The following TMEM131L variants were observed in gnomAD, a reference collection of about 807,000 sequenced individuals.
The protein encoded by TMEM131L is transmembrane 131 like, also known as transmembrane protein 131-like.
Under a neutral mutation model 192.2 loss-of-function variants are expected in TMEM131L, and 54 were observed. The observed-to-expected ratio is 0.28, with a 90% CI of 0.23 to 0.35. The LOEUF (loss-of-function observed/expected upper bound fraction) is 0.35. Among genes scored for constraint, TMEM131L ranks in the 10% least tolerant of loss-of-function variants. The pLI is 1.00. For synonymous variants in TMEM131L, 701 were observed against 704.9 expected, an observed-to-expected ratio of 0.99 and a Z score of 0.09; for missense variants, 1,888 against 1,972.9, an observed-to-expected ratio of 0.96 and a Z score of 0.82.
At chr4:153,630,186 T>A (rs1734116912) in intron 31 of TMEM131L, among the ~76,000 whole-genome samples, 1 of 152,200 alleles carries the variant, frequency 6.6e-6, no homozygotes, top group South Asian at 2.1e-4. Flanking sequence ...TCTGGTAGAT[T>A]TTCACATGCG....
intron 28 of TMEM131L, 134 bp downstream of exon 28, chr4:153,621,983 G>C (rs895383283): frequency 2.3e-6 from 2 of 858,320 alleles, no homozygotes; most frequent in Admixed American, 2.8e-5. Context: ...TAAAGCCCCA[G>C]TGGAAAGCTT....
At chr4:153,488,817 G>A (rs980293372) in intron 3 of TMEM131L, among the ~76,000 whole-genome samples, 2 of 152,208 alleles carry the variant, frequency 1.3e-5, no homozygotes, top group African/African-American at 4.8e-5. Context: ...CCCTCGGGGA[G>A]TCCGCCCTCG....
intron 3 of TMEM131L, among the ~76,000 whole-genome samples, chr4:153,524,329 T>C (rs1261455127): frequency 6.6e-6 from 1 of 152,202 alleles, no homozygotes; most frequent in East Asian, 1.9e-4. Context: ...TGTGTGTCGG[T>C]TGAGGCCATA....
chr4:153,576,320 G>A (rs946208555), intron 7 of TMEM131L, among the ~76,000 whole-genome samples: 4 of 152,130 alleles, frequency 2.6e-5, no homozygotes, highest in East Asian at 3.8e-4. Flanking sequence ...AGAAAAATTA[G>A]CATACTTCTG....
At chr4:153,533,833 C>A (rs751074029) in intron 3 of TMEM131L, among the ~76,000 whole-genome samples, 2 of 152,070 alleles carry the variant, frequency 1.3e-5, no homozygotes, top group Non-Finnish European at 2.9e-5. Context: ...TTACAGCATT[C>A]GTAATTTAGC....
At chr4:153,549,265 C>G (rs186557543) in intron 3 of TMEM131L, among the ~76,000 whole-genome samples, 13 of 152,152 alleles carry the variant, frequency 8.5e-5, no homozygotes, top group Non-Finnish European at 1.5e-5. Flanking sequence ...CCATCTTCAG[C>G]CAAAAAGATT....
chr4:153,567,196 A>G lies in TMEM131L; in HGVS notation c.660+8828A>G, dbSNP rs372345008. Among the ~76,000 whole-genome samples the G allele has an allele frequency of 1.8e-3, 270 of 152,376 alleles. 13 individuals carry two copies. In the South Asian group the frequency reaches 0.053, roughly 30 times the overall value. ...GGCACATTTCTCCCTAACAAGTTACAAAATACCTGATCTAGGATTTGAAGA... is the reference window on the plus strand; with the variant it reads ...GGCACATTTCTCCCTAACAAGTTACGAAATACCTGATCTAGGATTTGAAGA... On this transcript the variant is annotated intron_variant, in intron 7 of 34. Coordinates refer to ENST00000409959, the MANE Select transcript of TMEM131L (RefSeq NM_001131007.2).
At chr4:153,536,676 G>C (rs953091303) in intron 3 of TMEM131L, among the ~76,000 whole-genome samples, 3 of 152,098 alleles carry the variant, frequency 2.0e-5, no homozygotes, top group African/African-American at 7.2e-5. Flanking sequence ...AGAATCGATC[G>C]ATCTATCTAG....
intron 32 of TMEM131L, 83 bp from the exon 33 acceptor site, chr4:153,634,109 T>C: frequency 8.8e-7 from 1 of 1,141,018 alleles, no homozygotes; most frequent in Non-Finnish European, 1.3e-6. Flanking sequence ...ATTAGGATGC[T>C]AGGCAGTAAA....
intron 3 of TMEM131L, among the ~76,000 whole-genome samples, chr4:153,494,237 T>C (rs757998057): frequency 1.3e-5 from 2 of 152,226 alleles, no homozygotes; most frequent in South Asian, 2.1e-4. Context: ...GTGCGTGCTT[T>C]AGCGAAATTC....
At chr4:153,607,657 T>A (rs1173888966) in intron 25 of TMEM131L, among the ~76,000 whole-genome samples, 2 of 152,184 alleles carry the variant, frequency 1.3e-5, no homozygotes, top group African/African-American at 2.4e-5. Flanking sequence ...CCTTAAGTGA[T>A]TTTCCTAACT....
chr4:153,621,594 C>G, intron 27 of TMEM131L, 89 bp from the exon 28 acceptor site: 1 of 1,344,218 alleles, frequency 7.4e-7, no homozygotes. Flanking sequence ...TTCATATTTT[C>G]ACCTCTAATA....
intron 3 of TMEM131L, among the ~76,000 whole-genome samples, chr4:153,522,494 G>T (rs62324710): frequency 6.6e-6 from 1 of 151,850 alleles, no homozygotes; most frequent in African/African-American, 2.4e-5. Context: ...CCTGGGACTC[G>T]GTCTGTGTGG....
At chr4:153,603,578 C>A (rs1731998631) in intron 24 of TMEM131L, 126 bp downstream of exon 24, 2 of 1,173,398 alleles carry the variant, frequency 1.7e-6, no homozygotes, top group Admixed American at 5.6e-5. Context: ...AATTTTAAGT[C>A]ATTATGTGAA....
chr4:153,624,880 T>C (rs1032185990), intron 29 of TMEM131L, among the ~76,000 whole-genome samples: 1 of 152,250 alleles, frequency 6.6e-6, no homozygotes, highest in Non-Finnish European at 1.5e-5. Context: ...AAAGAAAGTC[T>C]TGTCTGAGAG....
intron 4 of TMEM131L, among the ~76,000 whole-genome samples, chr4:153,551,060 G>A (rs1322504993): frequency 6.6e-5 from 10 of 152,254 alleles, no homozygotes; most frequent in African/African-American, 2.2e-4. Context: ...ATCTTCAAGT[G>A]TTAAGCTTCC....
At chr4:153,624,923 G>T (rs1733723907) in intron 29 of TMEM131L, among the ~76,000 whole-genome samples, 2 of 152,216 alleles carry the variant, frequency 1.3e-5, no homozygotes, top group Admixed American at 6.5e-5. Context: ...AAACCTAGAG[G>T]AAGTGCCCAC....
At chr4:153,614,518 T>TG (rs1732841535) in intron 26 of TMEM131L, among the ~76,000 whole-genome samples, 1 of 151,474 alleles carries the variant, frequency 6.6e-6, no homozygotes, top group Non-Finnish European at 1.5e-5. Context: ...TCTGAGTTGG[T>TG]GGGGGGCGGC....
Position 153,604,306 on chromosome 4 carries a change from C to T in TMEM131L, c.3294C>T (p.Ala1098=), listed in dbSNP as rs1063151. The change falls in exon 25 of 35, where the codon GCC becomes GCT. Residue 1098 remains alanine (A), a synonymous_variant. Transcript: ENST00000409959. Reference sequence around the variant, plus strand: ...ACATTAAAACTTCAGAGAACACAGCCGAGTTCAAGGAACGGGAGCTCTGTC... The same window carrying T: ...ACATTAAAACTTCAGAGAACACAGCTGAGTTCAAGGAACGGGAGCTCTGTC... ...ETDIKTSENT[A]EFKERELCPL... 0.12 allele frequency: 201,625 copies of T among 1,613,766 alleles called. 15,236 individuals are homozygous for T. Among genetic ancestry groups the T allele is most frequent in the East Asian group, 0.34 (15,370 of 44,856 alleles).
Sources: gnomAD v4.1 joint callset for allele counts (sites outside exome capture counted in the v4.1 genomes callset) on GRCh38, gnomAD v4.1.1 for gene constraint, MANE v1.5 for transcripts, NCBI Gene and HGNC (gene_info 2026-07-23, HGNC 2026-07-21) for gene names.